Variants in NPHS1 observed in about 807,000 individuals in gnomAD.
NPHS1 encodes nephrin.
Under a neutral mutation model 139.7 loss-of-function variants are expected in NPHS1, and 107 were observed. The ratio of observed to expected loss-of-function variants is 0.77; its 90% CI spans 0.66 to 0.90. NPHS1 has a LOEUF of 0.90. NPHS1 is among the 40% of genes least tolerant of loss of function. The pLI is 0.00. For missense variants in NPHS1, 1,580 were observed against 1,654.2 expected, an observed-to-expected ratio of 0.96 and a Z score of 0.78; for synonymous variants, 707 against 706.6, an observed-to-expected ratio of 1.00 and a Z score of -0.01.
At position 35,852,215 on chromosome 19, in the gene NPHS1, C is replaced by T. The variant is rs1284703066; in HGVS notation, c.-378G>A. On this transcript the variant is annotated 5_prime_UTR_variant, in exon 1 of 29. Coordinates refer to ENST00000378910, the MANE Select transcript of NPHS1 (RefSeq NM_004646.4). ...AAGTGTTGGGATTACAGGCGTGAGC[C>T]ACTGCGCCCAGTCTCTTTATCTTTC... 6.6e-6 allele frequency among the ~76,000 whole-genome samples: 1 copy of T among 151,800 alleles called. No individual in the cohort carries two copies. The highest frequency in any genetic ancestry group is 1.5e-5 in the Non-Finnish European group (1 of 67,932).
intron 16 of NPHS1, 137 bp downstream of exon 16, chr19:35,843,966 G>A: frequency 8.0e-7 from 1 of 1,256,830 alleles, no homozygotes; most frequent in Non-Finnish European, 1.1e-6. Flanking sequence ...TGGTTACACC[G>A]CGGCTGGGAC....
At position 35,849,021 on chromosome 19, in the gene NPHS1, C is replaced by T. The variant is rs778170084; in HGVS notation, c.967G>A (p.Val323Met). 14 of 1,612,248 alleles carry T rather than the reference C, an allele frequency of 8.7e-6. No individual in the cohort carries two copies. The highest frequency in any genetic ancestry group is 8.0e-5 in the African/African-American group (6 of 74,930). ...CCGTGCTCCTGGGTCCCTGCAGACA[C>T]GCTGTTGTGGGCCTCGCAGCTGAGC... Reference protein sequence around the residue: ...AQLSCEAHNSVSAGTQEHGIT... With the variant: ...AQLSCEAHNSMSAGTQEHGIT... Residue 323 changes from valine to methionine, a missense_variant, in exon 8 of 29, where the codon GTG (valine) becomes ATG (methionine). Physicochemically the swap from Val to Met is conservative, Grantham distance 21 (BLOSUM62 1). Transcript: ENST00000378910.
chr19:35,835,643 T>C, intron 23 of NPHS1, 62 bp downstream of exon 23: 1 of 1,427,960 alleles, frequency 7.0e-7, no homozygotes, highest in Admixed American at 1.7e-5. Context: ...GGAGGTAGGG[T>C]CAGAGACCAG....
chr19:35,852,220 C>T lies in NPHS1; in HGVS notation c.-383G>A, dbSNP rs1378739472. 2.0e-5 allele frequency among the ~76,000 whole-genome samples: 3 copies of T among 151,708 alleles called. No homozygotes were observed. The highest frequency in any genetic ancestry group is 4.4e-5 in the Non-Finnish European group (3 of 67,926). ...TTGGGATTACAGGCGTGAGCCACTG[C>T]GCCCAGTCTCTTTATCTTTCCATCT... On this transcript the variant is annotated 5_prime_UTR_variant, in exon 1 of 29. Coordinates refer to ENST00000378910, the MANE Select transcript of NPHS1 (RefSeq NM_004646.4).
chr19:35,838,705 G>A (rs1156245749), intron 22 of NPHS1, among the ~76,000 whole-genome samples: 1 of 152,012 alleles, frequency 6.6e-6, no homozygotes, highest in Non-Finnish European at 1.5e-5. Context: ...AAATTAGCTG[G>A]GGGTGGTGGC....
Position 35,844,363 on chromosome 19 carries a change from G to T in NPHS1, c.2027C>A (p.Pro676His). ...GCGGAAGGTCCAGTTGAAGGCCTCG[G>T]GGGCGGGGTTAGCGGACACGGACAC... ...LPVSVSANPAPEAFNWTFRGY... is the reference protein window; with the variant it reads ...LPVSVSANPAHEAFNWTFRGY... Residue 676 changes from proline to histidine, a missense_variant, in exon 15 of 29, where the codon CCC (proline) becomes CAC (histidine). By Grantham distance (77) the Pro-to-His change is moderately conservative. Coordinates refer to ENST00000378910, the MANE Select transcript of NPHS1 (RefSeq NM_004646.4). The T allele has an allele frequency of 6.2e-7, 1 of 1,613,692 alleles. No homozygotes were observed. Among genetic ancestry groups the T allele is most frequent in the Non-Finnish European group, 8.5e-7 (1 of 1,179,892 alleles).
At chr19:35,843,720 T>TTGGTATTAAGGGCAG in intron 16 of NPHS1, 127 bp from the exon 17 acceptor site, 1 of 1,222,814 alleles carries the variant, frequency 8.2e-7, no homozygotes, top group Non-Finnish European at 1.2e-6. Flanking sequence ...AATCTGCCCT[T>TTGGTATTAAGGGCAG]AATACCAAAG....
In NPHS1 at chr19:35,842,167, T is replaced by C; in HGVS notation, c.2620A>G (p.Thr874Ala). ...AGAGGGACCCCGTTTTTTGTCCAAG[T>C]GAAAACGATGTTGGGGACACCTCGG... is the stretch of plus-strand genomic sequence containing the variant. Reference protein sequence around the residue: ...RARGVPNIVFTWTKNGVPLDL... With the variant: ...RARGVPNIVFAWTKNGVPLDL... Residue 874 changes from threonine to alanine, a missense_variant, in exon 19 of 29, where the codon ACT becomes GCT. Physicochemically the swap from Thr to Ala is moderately conservative, Grantham distance 58. Coordinates refer to ENST00000378910, the MANE Select transcript of NPHS1 (RefSeq NM_004646.4). The C allele has an allele frequency of 1.2e-6, 2 of 1,609,808 alleles. No individual in the cohort carries two copies.
chr19:35,842,432 A>G lies in NPHS1; in HGVS notation c.2453T>C (p.Val818Ala), dbSNP rs745973016. Residue 818 changes from valine (V) to alanine (A), a missense_variant, in exon 18 of 29, where the codon GTG (valine) becomes GCG (alanine). Coordinates refer to ENST00000378910, the MANE Select transcript of NPHS1 (RefSeq NM_004646.4). ...TGCTGGAGGCGCCACCCCATTGTCC[A>G]CAATGCACTGGTAAGCGCCAGCCTG... ...LAQAGAYQCIVDNGVAPPARR... is the reference protein window; with the variant it reads ...LAQAGAYQCIADNGVAPPARR... 3 of 1,614,080 alleles carry G rather than the reference A, an allele frequency of 1.9e-6. No homozygotes were observed. In the East Asian group the frequency reaches 6.7e-5, roughly 36 times the overall value.
At position 35,851,479 on chromosome 19, in the gene NPHS1, G is replaced by A. The variant is rs1429736207; in HGVS notation, c.252C>T (p.Arg84=). The change falls in exon 2 of 29, where the codon CGC becomes CGT. Residue 84 remains arginine (R), a synonymous_variant. Transcript: ENST00000378910. The stretch of plus-strand genomic sequence containing the variant: ...TACCTCTAGCAGGGTCCCCTTCCAG[G>A]CGGTACCTCGGGAAGCCTGGGATCC... ...DPRIPGFPRY[R]LEGDPARGEF... The A allele has an allele frequency of 1.9e-6, 3 of 1,613,600 alleles. No homozygotes were observed. The Admixed American group carries it at 5.0e-5, about 27-fold the overall frequency.
chr19:35,851,206 G>T, intron 3 of NPHS1, 56 bp downstream of exon 3: 1 of 1,613,466 alleles, frequency 6.2e-7, no homozygotes, highest in East Asian at 2.2e-5. Context: ...CGGGTTGCGG[G>T]GTAGGGGAGG....
Position 35,851,805 on chromosome 19 carries a change from G to T in NPHS1, c.33C>A (p.Leu11=), listed in dbSNP as rs1262933530. The change falls in exon 1 of 29, where the codon CTC becomes CTA. Residue 11 remains leucine, a synonymous_variant. Transcript: ENST00000378910. The part of the protein sequence containing the change: MALGTTLRAS[L]LLLGLLTEGL... ...CTTCAGTCAGCAGCCCCAGGAGCAG[G>T]AGAGAAGCCCTGAGCGTCGTCCCCA... is the stretch of plus-strand genomic sequence containing the variant. The T allele has an allele frequency of 6.4e-7, 1 of 1,553,170 alleles. No individual in the cohort carries two copies. Among genetic ancestry groups the T allele is most frequent in the Non-Finnish European group, 8.7e-7 (1 of 1,147,900 alleles).
chr19:35,826,695 C>A (rs762236017), intron 28 of NPHS1, 50 bp from the exon 29 acceptor site: 2 of 1,609,208 alleles, frequency 1.2e-6, no homozygotes. Flanking sequence ...CCCTGTAGGT[C>A]TTCATTGAAG....
At chr19:35,837,683 A>C (rs1028198427) in intron 22 of NPHS1, among the ~76,000 whole-genome samples, 2 of 151,582 alleles carry the variant, frequency 1.3e-5, no homozygotes, top group South Asian at 4.2e-4. Flanking sequence ...GCTCACTGCA[A>C]CCTCTGCCTC....
rs201541597 is a variant in NPHS1 at position 35,839,360 on chromosome 19, T to C, written c.2986A>G (p.Thr996Ala). The stretch of plus-strand genomic sequence containing the variant: ...TGTAGACCAGTCAGCGTGAAGGTGG[T>C]GGCCTGGGGTGGTACGACATCCACA... ...HYVDVVPPQA[T>A]TFTLTGLQPS... The change falls in exon 22 of 29, where the codon ACC becomes GCC. Residue 996 changes from threonine to alanine, a missense_variant. Physicochemically the swap from Thr to Ala is moderately conservative, Grantham distance 58 (BLOSUM62 0). Transcript: ENST00000378910. The C allele has an allele frequency of 1.9e-6, 3 of 1,614,170 alleles. No homozygotes were observed. In the East Asian group the frequency reaches 6.7e-5, roughly 36 times the overall value.
chr19:35,848,927 G>A (rs1412799813), intron 8 of NPHS1, 49 bp downstream of exon 8: 4 of 1,610,808 alleles, frequency 2.5e-6, no homozygotes, highest in East Asian at 4.5e-5. Flanking sequence ...CACACAGATG[G>A]TTCTCTGAGG....
chr19:35,847,170 C>T (rs1045723339), intron 11 of NPHS1, among the ~76,000 whole-genome samples: 2 of 151,760 alleles, frequency 1.3e-5, no homozygotes, highest in Non-Finnish European at 2.9e-5. Flanking sequence ...CTCAGCCTCC[C>T]GAGTAGCTGG....
intron 23 of NPHS1, among the ~76,000 whole-genome samples, chr19:35,835,350 A>T: frequency 8.9e-6 from 1 of 112,732 alleles, no homozygotes. Flanking sequence ...CCAAGGCTGG[A>T]GTGCAGTGGC....
In NPHS1 at chr19:35,843,564, G is replaced by A. The variant is rs746890379; in HGVS notation, c.2242C>T (p.Pro748Ser). 1.2e-6 allele frequency: 2 copies of A among 1,614,032 alleles called. No individual in the cohort carries two copies. Among genetic ancestry groups the A allele is most frequent in the African/African-American group, 2.7e-5 (2 of 74,934 alleles). ...GAACCCCCGACGTTCACCTCAGTGG[G>A]GTCCTGGAGGGCACGGATGGTGGGA... ...YAPTIRALQD[P>S]TEVNVGGSVD... The change falls in exon 17 of 29, where the codon CCC (proline) becomes TCC (serine). Residue 748 changes from proline (P) to serine (S), a missense_variant. Transcript: ENST00000378910.
Sources: gnomAD v4.1 joint callset for allele counts (sites outside exome capture counted in the v4.1 genomes callset) on GRCh38, gnomAD v4.1.1 for gene constraint, MANE v1.5 for transcripts, NCBI Gene and HGNC (gene_info 2026-07-23, HGNC 2026-07-21) for gene names.